Variants in CSMD3 observed in about 807,000 individuals in gnomAD.
CSMD3 encodes CUB and sushi domain-containing protein 3.
Under a neutral mutation model 435.2 loss-of-function variants are expected in CSMD3, and 177 were observed. The observed-to-expected ratio is 0.41, with a 90% CI of 0.36 to 0.46. The LOEUF (loss-of-function observed/expected upper bound fraction) is 0.46. Among genes scored for constraint, CSMD3 ranks in the 20% least tolerant of loss-of-function variants. The probability of loss-of-function intolerance (pLI) is 0.34; values close to 1 mark genes in which losing one functional copy is unlikely to be tolerated. For synonymous variants in CSMD3, 1,656 were observed against 1,520.5 expected (o/e 1.09, Z -2.07); for missense variants, 4,265 against 4,504.6 (o/e 0.95, Z 1.52).
At chr8:113,054,568 T>C (rs1194970333) in intron 5 of CSMD3, among the ~76,000 whole-genome samples, 1 of 152,170 alleles carries the variant, frequency 6.6e-6, no homozygotes, top group Non-Finnish European at 1.5e-5. Flanking sequence ...TTCCTATTTG[T>C]TTGTCTATCA....
chr8:112,575,177 T>C (rs770448642), intron 23 of CSMD3, among the ~76,000 whole-genome samples: 5 of 152,012 alleles, frequency 3.3e-5, no homozygotes, highest in Non-Finnish European at 7.4e-5. Flanking sequence ...TTATGCCAAA[T>C]TTTTTTCCAC....
At chr8:112,380,690 G>A (rs185731923) in intron 37 of CSMD3, among the ~76,000 whole-genome samples, 2 of 152,042 alleles carry the variant, frequency 1.3e-5, no homozygotes, top group South Asian at 2.1e-4. Flanking sequence ...CTAAAAATAG[G>A]TAGGAGCAAA....
chr8:113,291,269 CT>C (rs2093684579), intron 2 of CSMD3, among the ~76,000 whole-genome samples: 1 of 151,700 alleles, frequency 6.6e-6, no homozygotes, highest in Non-Finnish European at 1.5e-5. Flanking sequence ...ATACATGTGA[CT>C]TTCCCCATTA....
intron 56 of CSMD3, among the ~76,000 whole-genome samples, chr8:112,290,788 A>G (rs988059953): frequency 6.6e-6 from 1 of 151,916 alleles, no homozygotes; most frequent in African/African-American, 2.4e-5. Flanking sequence ...CAAGTCCAAG[A>G]CTCACCAACT....
At chr8:112,423,137 T>C (rs1336261340) in intron 32 of CSMD3, among the ~76,000 whole-genome samples, 1 of 152,010 alleles carries the variant, frequency 6.6e-6, no homozygotes. Flanking sequence ...CCTTTGATAG[T>C]TATTTTTTTT....
At chr8:112,800,953 T>C (rs2078946872) in intron 12 of CSMD3, among the ~76,000 whole-genome samples, 1 of 152,020 alleles carries the variant, frequency 6.6e-6, no homozygotes, top group Non-Finnish European at 1.5e-5. Flanking sequence ...ATATTGTAAT[T>C]GCATATTAGA....
At chr8:112,859,786 G>A (rs1384504697) in intron 10 of CSMD3, among the ~76,000 whole-genome samples, 1 of 151,424 alleles carries the variant, frequency 6.6e-6, no homozygotes, top group Non-Finnish European at 1.5e-5. Context: ...TAATTGTAAT[G>A]AATTCCCACA....
intron 23 of CSMD3, among the ~76,000 whole-genome samples, chr8:112,583,236 G>A (rs1830465278): frequency 6.6e-6 from 1 of 152,012 alleles, no homozygotes; most frequent in Non-Finnish European, 1.5e-5. Context: ...TCGTCCTTGA[G>A]TAACTAGTTT....
In CSMD3 at chr8:112,921,737, A is replaced by G. The variant is rs2082749917; in HGVS notation, c.1523T>C (p.Val508Ala). 2 of 1,609,144 alleles carry G rather than the reference A, an allele frequency of 1.2e-6. No homozygotes were observed. Among genetic ancestry groups the G allele is most frequent in the Non-Finnish European group, 1.7e-6 (2 of 1,175,872 alleles). Residue 508 changes from valine to alanine, a missense_variant, in exon 10 of 71, where the codon GTG (valine) becomes GCG (alanine). Physicochemically the swap from Val to Ala is moderately conservative, Grantham distance 64. Coordinates refer to ENST00000297405, the MANE Select transcript of CSMD3 (RefSeq NM_198123.2). Reference sequence around the variant, plus strand: ...ATAATCTTCATCACAAGAGAACTGCACAGTTGATCCAAGGCTAAAGTTAAA... The same window carrying G: ...ATAATCTTCATCACAAGAGAACTGCGCAGTTGATCCAAGGCTAAAGTTAAA... ...IGSDFSLGST[V>A]QFSCDEDYVL...
At chr8:113,256,830 G>C (rs779588145) in intron 3 of CSMD3, among the ~76,000 whole-genome samples, 6 of 152,182 alleles carry the variant, frequency 3.9e-5, no homozygotes, top group Non-Finnish European at 8.8e-5. Context: ...TTTGCATTAA[G>C]TGGTTTGTAG....
intron 4 of CSMD3, among the ~76,000 whole-genome samples, chr8:113,161,152 C>T (rs762901980): frequency 2.0e-5 from 3 of 151,984 alleles, no homozygotes; most frequent in South Asian, 2.1e-4. Context: ...GAGATGAATC[C>T]GGATTTATCT....
intron 13 of CSMD3, among the ~76,000 whole-genome samples, chr8:112,784,221 T>C (rs2078477242): frequency 6.6e-6 from 1 of 152,026 alleles, no homozygotes; most frequent in Non-Finnish European, 1.5e-5. Flanking sequence ...AATTTTAAAA[T>C]GTCTTGAAAC....
intron 16 of CSMD3, among the ~76,000 whole-genome samples, chr8:112,671,533 T>TC (rs2075655929): frequency 6.6e-6 from 1 of 152,172 alleles, no homozygotes. Flanking sequence ...GGAGTTGAGT[T>TC]CAATTTTTCT....
At chr8:112,759,994 G>A (rs1482103152) in intron 13 of CSMD3, among the ~76,000 whole-genome samples, 3 of 152,102 alleles carry the variant, frequency 2.0e-5, no homozygotes, top group Non-Finnish European at 4.4e-5. Context: ...GGCAAGGTAA[G>A]TAACTCTTCA....
In CSMD3 at chr8:112,313,919, C is replaced by T. The variant is rs2130830391; in HGVS notation, c.7683G>A (p.Arg2561=). 4 of 1,611,356 alleles carry T rather than the reference C, an allele frequency of 2.5e-6. No homozygotes were observed. Among genetic ancestry groups the T allele is most frequent in the Non-Finnish European group, 3.4e-6 (4 of 1,177,946 alleles). The part of the protein sequence containing the change: ...ADHGNNKKGF[R]IRYIAFYCST... Reference sequence around the variant, plus strand: ...AGTTTTACATACCTATATATCTTATCCGGAAGCCTTTTTTGTTATTGCCAT... The same window carrying T: ...AGTTTTACATACCTATATATCTTATTCGGAAGCCTTTTTTGTTATTGCCAT... The change falls in exon 49 of 71, where the codon CGG becomes CGA. Residue 2561 remains arginine (R), a synonymous_variant. Transcript: ENST00000297405.
At chr8:112,562,456 T>A (rs1239810131) in intron 24 of CSMD3, among the ~76,000 whole-genome samples, 1 of 151,580 alleles carries the variant, frequency 6.6e-6, no homozygotes, top group African/African-American at 2.4e-5. Flanking sequence ...AATGAAGATA[T>A]GTTAGTTTCA....
chr8:112,241,708 G>A lies in CSMD3; in HGVS notation c.10468+12C>T, dbSNP rs754044748. ...AATAATGAACTCTAGAAAAACAAAT[G>A]ACATTACTAACCACTTAGCTTTGGG... On this transcript the variant is annotated intron_variant, in intron 66 of 70. Transcript: ENST00000297405. 1 of 1,594,916 alleles carries A rather than the reference G, an allele frequency of 6.3e-7. No individual in the cohort carries two copies.
chr8:112,879,916 G>C (rs1215997292), intron 10 of CSMD3, among the ~76,000 whole-genome samples: 2 of 152,068 alleles, frequency 1.3e-5, no homozygotes, highest in Non-Finnish European at 2.9e-5. Flanking sequence ...ACCTGGGCCT[G>C]TTGGGGGGTG....
intron 6 of CSMD3, among the ~76,000 whole-genome samples, chr8:112,987,569 G>A (rs2085300343): frequency 6.6e-6 from 1 of 152,060 alleles, no homozygotes; most frequent in African/African-American, 2.4e-5. Flanking sequence ...AACATACACT[G>A]AGTCACATAG....
Sources: allele counts gnomAD v4.1 joint callset (sites outside exome capture counted in the v4.1 genomes callset), GRCh38; gene constraint gnomAD v4.1.1; transcripts MANE v1.5; gene names NCBI Gene and HGNC (gene_info 2026-07-23, HGNC 2026-07-21).